The following MPHOSPH9 variants were observed in gnomAD, a reference collection of about 807,000 sequenced individuals.
MPHOSPH9 encodes the protein M-phase phosphoprotein 9.
MPHOSPH9 carries 88 observed loss-of-function variants against 145.5 expected under a neutral mutation model. That is an observed-to-expected ratio of 0.60 (90% CI 0.51 to 0.72). MPHOSPH9 has a LOEUF of 0.72. Among genes scored for constraint, MPHOSPH9 ranks in the 30% least tolerant of loss-of-function variants. The probability of loss-of-function intolerance (pLI) is 0.00; values close to 1 mark genes in which losing one functional copy is unlikely to be tolerated. For missense variants in MPHOSPH9, 1,238 were observed against 1,386.6 expected (o/e 0.89, Z 1.70); for synonymous variants, 435 against 486.2 (o/e 0.89, Z 1.39).
chr12:123,189,504 AAAAGG>A (rs1429641484), intron 13 of MPHOSPH9, among the ~76,000 whole-genome samples: 1 of 152,254 alleles, frequency 6.6e-6, no homozygotes, highest in African/African-American at 2.4e-5. Context: ...ACAAACTGGC[AAAAGG>A]AAAGTGGATA....
intron 12 of MPHOSPH9, 24 bp from the exon 13 acceptor site, chr12:123,194,625 T>TTC: frequency 1.0e-6 from 1 of 990,658 alleles, no homozygotes; most frequent in Non-Finnish European, 1.3e-6. Flanking sequence ...ACAAACATAA[T>TTC]TTTTTTTTTT....
At chr12:123,225,934 A>G (rs779651728) in intron 3 of MPHOSPH9, among the ~76,000 whole-genome samples, 2 of 152,100 alleles carry the variant, frequency 1.3e-5, no homozygotes, top group Non-Finnish European at 2.9e-5. Context: ...TACTCGGGAG[A>G]CTGAGGCAGG....
At chr12:123,165,679 G>T in intron 17 of MPHOSPH9, 1 of 496,132 alleles carries the variant, frequency 2.0e-6, no homozygotes, top group Non-Finnish European at 3.6e-6. Context: ...TTATGAAAAA[G>T]GGAAAGAGGC....
Position 123,166,769 on chromosome 12 carries a change from A to C in MPHOSPH9, c.2477T>G (p.Val826Gly). 6.2e-7 allele frequency: 1 copy of C among 1,613,514 alleles called. No individual in the cohort carries two copies. The highest frequency in any genetic ancestry group is 1.7e-5 in the Admixed American group (1 of 59,742). The change falls in exon 17 of 24, where the codon GTC becomes GGC. Residue 826 changes from valine to glycine, a missense_variant. Physicochemically the swap from Val to Gly is moderately radical, Grantham distance 109. Coordinates refer to ENST00000606320, the MANE Select transcript of MPHOSPH9 (RefSeq NM_022782.4). ...TGGAATCAGCCATTTCCGCCTGCTG[A>C]CGTCTGAAGTTGCTAGTGTGCTATT... ...SRANTLATSD[V>G]SRRKWLIPGA... is the part of the protein sequence containing the mutation.
intron 7 of MPHOSPH9, among the ~76,000 whole-genome samples, chr12:123,210,452 G>A (rs1008173366): frequency 6.6e-6 from 1 of 151,988 alleles, no homozygotes; most frequent in African/African-American, 2.4e-5. Context: ...CAGCCCTTTG[G>A]GAAGCTGAGG....
rs2043878822 is a variant in MPHOSPH9 at position 123,156,721 on chromosome 12, A to G, written c.*86T>C. The G allele has an allele frequency of 2.0e-6, 2 of 978,158 alleles. No homozygotes were observed. Among genetic ancestry groups the G allele is most frequent in the African/African-American group, 3.2e-5 (2 of 62,402 alleles). 60.6% of individuals were successfully genotyped at this position (978,158 alleles called of 1,614,324 possible). A position where few individuals can be genotyped will look rare whatever the true frequency, so the allele number is the denominator to read the frequency against. On this transcript the variant is annotated 3_prime_UTR_variant, in exon 24 of 24. Transcript: ENST00000606320. ...AAAACTACTGTTTGAAGGCTTATAAACAGTACAAAATAGTTTGCCTTTTCT... is the reference window on the plus strand; with the variant it reads ...AAAACTACTGTTTGAAGGCTTATAAGCAGTACAAAATAGTTTGCCTTTTCT...
chr12:123,218,533 T>G (rs1367739948), intron 5 of MPHOSPH9, 34 bp from the exon 6 acceptor site: 1 of 1,604,402 alleles, frequency 6.2e-7, no homozygotes, highest in Non-Finnish European at 8.5e-7. Context: ...ATTACTTTTT[T>G]TTTTTGTTTT....
Position 123,160,845 on chromosome 12 carries a change from T to G in MPHOSPH9, c.3386A>C (p.Glu1129Ala). The G allele has an allele frequency of 3.7e-6, 6 of 1,613,810 alleles. No homozygotes were observed. The highest frequency in any genetic ancestry group is 4.2e-6 in the Non-Finnish European group (5 of 1,179,940). Residue 1129 changes from glutamate (E) to alanine (A), a missense_variant, in exon 23 of 24, where the codon GAG becomes GCG. This residue lies in a region of MPHOSPH9 where 393 missense variants were observed against 462.5 expected (regional missense o/e 0.85). Coordinates refer to ENST00000606320, the MANE Select transcript of MPHOSPH9 (RefSeq NM_022782.4). ...DELTKEKDQI[E>A]AALSRMPSPG... ...AGAAGGCATCCTGCTTAGTGCTGCC[T>G]CAATCTGTTAACACACGAAAAAAAT...
intron 15 of MPHOSPH9, among the ~76,000 whole-genome samples, chr12:123,177,962 C>T (rs182948540): frequency 6.6e-6 from 1 of 152,132 alleles, no homozygotes; most frequent in African/African-American, 2.4e-5. Flanking sequence ...AAAATAAAAG[C>T]CTATTTTCAA....
chr12:123,160,625 C>CT (rs1593057173), intron 23 of MPHOSPH9, 156 bp downstream of exon 23: 2 of 589,126 alleles, frequency 3.4e-6, no homozygotes, highest in East Asian at 5.8e-5. Flanking sequence ...TATAAAATTG[C>CT]TATAATCAAA....
At position 123,214,935 on chromosome 12, in the gene MPHOSPH9, C is replaced by T. The variant is rs2046895106; in HGVS notation, c.997-101G>A. 7.5e-6 allele frequency: 7 copies of T among 938,620 alleles called. No homozygotes were observed. The South Asian group carries it at 9.8e-5, about 13-fold the overall frequency. The allele number at this position is 938,620 out of a possible 1,614,324, so 58.1% of individuals were successfully genotyped here. On this transcript the variant is annotated intron_variant, in intron 6 of 23. Transcript: ENST00000606320. Reference sequence around the variant, plus strand: ...GGCCTCAAACCAGGTGGGGAGAAACCTTCAGAGGGTTCAAAGAAGAAAGCC... The same window carrying T: ...GGCCTCAAACCAGGTGGGGAGAAACTTTCAGAGGGTTCAAAGAAGAAAGCC...
chr12:123,166,575 T>C, intron 17 of MPHOSPH9, 80 bp downstream of exon 17: 1 of 1,502,856 alleles, frequency 6.7e-7, no homozygotes. Context: ...AAGAGAGGGC[T>C]TCCCAAACTT....
intron 3 of MPHOSPH9, among the ~76,000 whole-genome samples, chr12:123,224,620 G>A (rs182496068): frequency 1.3e-3 from 192 of 152,276 alleles, no homozygotes; most frequent in Admixed American, 2.5e-3. Context: ...AAATCTGTGA[G>A]GTCACGGTCA....
At chr12:123,181,355 A>G (rs2045133652) in intron 13 of MPHOSPH9, 145 bp from the exon 14 acceptor site, 1 of 632,896 alleles carries the variant, frequency 1.6e-6, no homozygotes, top group Non-Finnish European at 2.8e-6. Context: ...TGGTGATTCA[A>G]TGTAAAGGGA....
At position 123,179,996 on chromosome 12, in the gene MPHOSPH9, G is replaced by T. The variant is rs374947104; in HGVS notation, c.2290-6C>A. ...TCAGTTGTATTTAATGCATCCTATG[G>T]AAATAAAGGAGAAATTCAGATAACT... On this transcript the variant is annotated splice_polypyrimidine_tract_variant and splice_region_variant and intron_variant, in intron 14 of 23. Coordinates refer to ENST00000606320, the MANE Select transcript of MPHOSPH9 (RefSeq NM_022782.4). 4.6e-5 allele frequency: 63 copies of T among 1,364,026 alleles called. No homozygotes were observed. In the African/African-American group the frequency reaches 8.5e-4, roughly 18 times the overall value. 84.5% of individuals were successfully genotyped at this position (1,364,026 alleles called of 1,614,324 possible). A position where few individuals can be genotyped will look rare whatever the true frequency, so the allele number is the denominator to read the frequency against.
chr12:123,175,214 A>C (rs373669999), intron 16 of MPHOSPH9, among the ~76,000 whole-genome samples: 1 of 151,280 alleles, frequency 6.6e-6, no homozygotes, highest in South Asian at 2.1e-4. Flanking sequence ...GCAGTGGCGC[A>C]ATCTCGACTC....
intron 13 of MPHOSPH9, among the ~76,000 whole-genome samples, chr12:123,184,468 T>C (rs1303704866): frequency 1.3e-5 from 2 of 150,994 alleles, no homozygotes; most frequent in Admixed American, 1.3e-4. Flanking sequence ...AGTCTTTCAA[T>C]AGCTTTTTAT....
At chr12:123,228,415 C>T (rs1426720404) in intron 2 of MPHOSPH9, among the ~76,000 whole-genome samples, 3 of 152,098 alleles carry the variant, frequency 2.0e-5, no homozygotes, top group South Asian at 2.1e-4. Flanking sequence ...GGAGGCCAGG[C>T]GCAGTGGCTC....
intron 16 of MPHOSPH9, among the ~76,000 whole-genome samples, chr12:123,167,997 A>G (rs2044388139): frequency 6.6e-6 from 1 of 152,138 alleles, no homozygotes; most frequent in Non-Finnish European, 1.5e-5. Flanking sequence ...TCCCCTTAAG[A>G]AACCAATACT....
Sources: allele counts gnomAD v4.1 joint callset (sites outside exome capture counted in the v4.1 genomes callset), GRCh38; gene constraint gnomAD v4.1.1; regional missense constraint gnomAD v4.1.1; transcripts MANE v1.5; gene names NCBI Gene and HGNC (gene_info 2026-07-23, HGNC 2026-07-21).